Variants in TENM4 observed in about 807,000 individuals in gnomAD.
The protein encoded by TENM4 is teneurin-4.
Under a neutral mutation model 243.3 loss-of-function variants are expected in TENM4, and 82 were observed. That is an observed-to-expected ratio of 0.34 (90% CI 0.28 to 0.40). The LOEUF is 0.40. TENM4 is among the 10% of genes least tolerant of loss of function. TENM4 has a pLI of 1.00. For synonymous variants in TENM4, 1,412 were observed against 1,456.3 expected (o/e 0.97, Z 0.69); for missense variants, 3,138 against 3,673.3 (o/e 0.85, Z 3.77).
chr11:79,062,705 G>C (rs755696928), intron 6 of TENM4, among the ~76,000 whole-genome samples: 2 of 152,092 alleles, frequency 1.3e-5, no homozygotes, highest in Non-Finnish European at 2.9e-5. Context: ...GGAAACTGAG[G>C]TCCCAAGAAA....
rs550518913 is a variant in TENM4, at chr11:78,783,168, C to T, written c.2365+3730G>A. Among the ~76,000 whole-genome samples the T allele has an allele frequency of 3.9e-5, 6 of 152,236 alleles. No individual in the cohort carries two copies. In the East Asian group the frequency reaches 5.8e-4, roughly 15 times the overall value. On this transcript the variant is annotated intron_variant, in intron 16 of 33. Transcript: ENST00000278550. ...TCAAAGAAATAGGAAAAAAATTAAACGCCTTGTTAAATTTAACTACGATTT... is the reference window on the plus strand; with the variant it reads ...TCAAAGAAATAGGAAAAAAATTAAATGCCTTGTTAAATTTAACTACGATTT...
intron 1 of TENM4, among the ~76,000 whole-genome samples, chr11:79,348,941 T>C (rs1206865825): frequency 6.6e-6 from 1 of 152,190 alleles, no homozygotes. Context: ...CAATAAATGA[T>C]CGTTTTTATC....
chr11:78,765,968 G>GA (rs1357841005), intron 18 of TENM4, among the ~76,000 whole-genome samples: 17 of 152,040 alleles, frequency 1.1e-4, no homozygotes, highest in Admixed American at 6.5e-5. Context: ...AATCTTAAAT[G>GA]AAAAAATAGA....
chr11:79,198,535 GAGA>G (rs1863680013), intron 3 of TENM4, among the ~76,000 whole-genome samples: 1 of 152,220 alleles, frequency 6.6e-6, no homozygotes. Context: ...TAAAATGAGA[GAGA>G]AGAAGTTATG....
intron 3 of TENM4, among the ~76,000 whole-genome samples, chr11:79,205,303 T>C (rs1258596694): frequency 6.6e-6 from 1 of 152,188 alleles, no homozygotes; most frequent in African/African-American, 2.4e-5. Flanking sequence ...ATAGATACAG[T>C]CTACCAATCA....
intron 6 of TENM4, among the ~76,000 whole-genome samples, chr11:78,923,861 C>A (rs1022115487): frequency 3.9e-5 from 5 of 128,226 alleles, no homozygotes; most frequent in Non-Finnish European, 8.3e-5. Flanking sequence ...TTTTTCTTTT[C>A]TTTTCCTTTT....
At chr11:78,797,547 C>T (rs1467001648) in intron 15 of TENM4, among the ~76,000 whole-genome samples, 1 of 152,244 alleles carries the variant, frequency 6.6e-6, no homozygotes, top group African/African-American at 2.4e-5. Context: ...TACTAAATTA[C>T]AAATCTGCCA....
chr11:78,951,011 C>A lies in TENM4; in HGVS notation c.494-47488G>T, dbSNP rs577168322. ...TCAGGCCCTCTTTGATTCCAGCACA[C>A]CTGCCTGCAGGTTATGTTGCTTGTC... On this transcript the variant is annotated intron_variant, in intron 6 of 33. Transcript: ENST00000278550. 3.3e-5 allele frequency among the ~76,000 whole-genome samples: 5 copies of A among 152,364 alleles called. No individual in the cohort carries two copies. The South Asian group carries it at 8.3e-4, about 25-fold the overall frequency.
chr11:78,811,600 ACAC>A (rs1296269787), intron 14 of TENM4, among the ~76,000 whole-genome samples: 3 of 151,978 alleles, frequency 2.0e-5, no homozygotes, highest in South Asian at 2.1e-4. Context: ...ACACACACAC[ACAC>A]GAGTGTGATA....
At chr11:79,416,304 A>G (rs1371768877) in intron 1 of TENM4, among the ~76,000 whole-genome samples, 1 of 152,196 alleles carries the variant, frequency 6.6e-6, no homozygotes, top group Admixed American at 6.5e-5. Context: ...TTATGGTTTT[A>G]AGAAGCTGCC....
At chr11:79,425,347 C>T (rs532626452) in intron 1 of TENM4, among the ~76,000 whole-genome samples, 51 of 152,266 alleles carry the variant, frequency 3.3e-4, no homozygotes, top group African/African-American at 1.2e-3. Context: ...GGAGCTCACT[C>T]CCTCCACAAG....
In TENM4 at chr11:79,065,115, A is replaced by T. The variant is rs148814772; in HGVS notation, c.224-108T>A. On this transcript the variant is annotated intron_variant, in intron 5 of 33. Transcript: ENST00000278550. The stretch of plus-strand genomic sequence containing the variant: ...CCCAGGGCTCACTGTCGTTCTTTGA[A>T]CTTGCTGTGGCATTCTATGCCCATG... 2.2e-4 allele frequency: 304 copies of T among 1,395,326 alleles called. No individual in the cohort carries two copies. The African/African-American group carries it at 3.5e-3, about 16-fold the overall frequency. 86.4% of individuals were successfully genotyped at this position (1,395,326 alleles called of 1,614,324 possible).
chr11:79,336,635 T>C (rs1411502811), intron 1 of TENM4, among the ~76,000 whole-genome samples: 1 of 152,256 alleles, frequency 6.6e-6, no homozygotes, highest in Non-Finnish European at 1.5e-5. Context: ...TCATTACTTC[T>C]ATCTGTAAAA....
chr11:79,283,244 A>G (rs990255548), intron 2 of TENM4, among the ~76,000 whole-genome samples: 4 of 151,742 alleles, frequency 2.6e-5, no homozygotes, highest in Admixed American at 6.6e-5. Flanking sequence ...ACACACACAC[A>G]CACACAAGTA....
intron 1 of TENM4, among the ~76,000 whole-genome samples, chr11:79,334,945 G>C (rs1452748079): frequency 6.6e-6 from 1 of 152,092 alleles, no homozygotes; most frequent in African/African-American, 2.4e-5. Context: ...GCATCATACC[G>C]TGCCCTCCAA....
intron 2 of TENM4, among the ~76,000 whole-genome samples, chr11:79,256,298 C>A (rs576556983): frequency 5.1e-4 from 78 of 152,332 alleles, no homozygotes; most frequent in South Asian, 1.0e-3. Flanking sequence ...CTTTCTGAAA[C>A]CCTGCTCCTC....
intron 4 of TENM4, among the ~76,000 whole-genome samples, chr11:79,085,217 A>C (rs1860778827): frequency 7.0e-6 from 1 of 142,070 alleles, no homozygotes; most frequent in Non-Finnish European, 1.5e-5. Flanking sequence ...CTAAAAATAC[A>C]AAAAAAAAAA....
chr11:78,916,065 C>T (rs984590668), intron 6 of TENM4, among the ~76,000 whole-genome samples: 22 of 152,278 alleles, frequency 1.4e-4, no homozygotes, highest in African/African-American at 3.9e-4. Context: ...TTTCTGGACC[C>T]CAGTTTCATG....
At chr11:79,218,758 G>C (rs932924942) in intron 2 of TENM4, among the ~76,000 whole-genome samples, 11 of 152,098 alleles carry the variant, frequency 7.2e-5, no homozygotes, top group African/African-American at 2.7e-4. Flanking sequence ...AGTACCTCCA[G>C]TAGACAAAAC....
Sources: allele counts gnomAD v4.1 joint callset (sites outside exome capture counted in the v4.1 genomes callset), GRCh38; gene constraint gnomAD v4.1.1; transcripts MANE v1.5; gene names NCBI Gene and HGNC (gene_info 2026-07-23, HGNC 2026-07-21).